SIPA1L2: variants seen among roughly 807,000 people sequenced by gnomAD.
SIPA1L2 encodes signal-induced proliferation-associated 1-like protein 2.
In SIPA1L2, 56 loss-of-function variants were observed where a neutral mutation model predicts 163.9. That is an observed-to-expected ratio of 0.34 (90% confidence interval 0.28 to 0.43). The LOEUF (loss-of-function observed/expected upper bound fraction) is 0.43. SIPA1L2 is among the 20% of genes least tolerant of loss of function. SIPA1L2 has a pLI of 1.00. For missense variants in SIPA1L2, 1,974 were observed against 2,193.5 expected (o/e 0.90, Z 2.00); for synonymous variants, 877 against 865.7 (o/e 1.01, Z -0.23).
chr1:232,433,837 C>T (rs1319676812), intron 15 of SIPA1L2, among the ~76,000 whole-genome samples: 1 of 152,150 alleles, frequency 6.6e-6, no homozygotes, highest in Non-Finnish European at 1.5e-5. Context: ...GAGTGCAATG[C>T]GAGGATTCCG....
chr1:232,406,544 C>T (rs1660643846), intron 19 of SIPA1L2, among the ~76,000 whole-genome samples: 1 of 152,206 alleles, frequency 6.6e-6, no homozygotes, highest in Admixed American at 6.5e-5. Context: ...CAAGTCACTC[C>T]CATGACCCCG....
chr1:232,469,212 A>T (rs1664680023), intron 8 of SIPA1L2, among the ~76,000 whole-genome samples: 1 of 152,228 alleles, frequency 6.6e-6, no homozygotes, highest in Admixed American at 6.5e-5. Context: ...AACACCCGAA[A>T]AAAGCTCAGG....
intron 2 of SIPA1L2, among the ~76,000 whole-genome samples, chr1:232,546,661 A>ACAGC (rs1658048577): frequency 1.3e-5 from 2 of 152,240 alleles, no homozygotes; most frequent in African/African-American, 4.8e-5. Flanking sequence ...CATCGACTAA[A>ACAGC]TGTCTAGGCT....
intron 2 of SIPA1L2, among the ~76,000 whole-genome samples, chr1:232,541,890 G>C (rs2253471): frequency 0.49 from 73,067 of 148,796 alleles, 18,550 homozygotes; most frequent in Middle Eastern, 0.66. Flanking sequence ...TCATGAAGGG[G>C]AACTGGGGCA....
intron 2 of SIPA1L2, among the ~76,000 whole-genome samples, chr1:232,567,569 T>A (rs533535323): frequency 6.6e-6 from 1 of 152,230 alleles, no homozygotes; most frequent in South Asian, 2.1e-4. Context: ...TAAAAAAAAA[T>A]TTCCAAGTTA....
chr1:232,523,044 C>T (rs1280429102), intron 2 of SIPA1L2, among the ~76,000 whole-genome samples: 1 of 152,296 alleles, frequency 6.6e-6, no homozygotes, highest in African/African-American at 2.4e-5. Context: ...TCCAGGGAAG[C>T]ACTATTCTCT....
At chr1:232,618,593 G>A (rs1030938965) in intron 1 of SIPA1L2, among the ~76,000 whole-genome samples, 3 of 150,774 alleles carry the variant, frequency 2.0e-5, no homozygotes, top group Non-Finnish European at 4.4e-5. Flanking sequence ...GTCGGAGGTT[G>A]CAGTGAGCCA....
chr1:232,545,071 G>C (rs1004907837), intron 2 of SIPA1L2, among the ~76,000 whole-genome samples: 1 of 152,314 alleles, frequency 6.6e-6, no homozygotes, highest in East Asian at 1.9e-4. Flanking sequence ...AGAAGTACCA[G>C]AGGAGCCAAC....
At chr1:232,431,093 A>G (rs531980776) in intron 16 of SIPA1L2, among the ~76,000 whole-genome samples, 13 of 152,272 alleles carry the variant, frequency 8.5e-5, no homozygotes, top group African/African-American at 3.1e-4. Context: ...TGACTTTCCA[A>G]AAGAGTCCTT....
At chr1:232,449,220 A>G (rs1663400639) in intron 10 of SIPA1L2, among the ~76,000 whole-genome samples, 2 of 152,176 alleles carry the variant, frequency 1.3e-5, no homozygotes, top group South Asian at 4.1e-4. Context: ...TATGAGAGAT[A>G]AAAACTTAAG....
chr1:232,419,788 G>A (rs1661462071), intron 18 of SIPA1L2, among the ~76,000 whole-genome samples: 1 of 152,140 alleles, frequency 6.6e-6, no homozygotes, highest in South Asian at 2.1e-4. Flanking sequence ...TTATAGCAAT[G>A]CAAGAACAGC....
At chr1:232,553,221 G>A (rs766840036) in intron 2 of SIPA1L2, among the ~76,000 whole-genome samples, 1 of 152,140 alleles carries the variant, frequency 6.6e-6, no homozygotes, top group Non-Finnish European at 1.5e-5. Context: ...TCCAGTGGCT[G>A]ATCTCCTCCC....
At chr1:232,500,966 C>T (rs111699181) in intron 3 of SIPA1L2, among the ~76,000 whole-genome samples, 1 of 150,328 alleles carries the variant, frequency 6.7e-6, no homozygotes, top group Non-Finnish European at 1.5e-5. Context: ...CAACAGCCAT[C>T]AATGTGGAGG....
intron 5 of SIPA1L2, among the ~76,000 whole-genome samples, chr1:232,485,412 G>T (rs1280211473): frequency 6.6e-6 from 1 of 152,158 alleles, no homozygotes; most frequent in African/African-American, 2.4e-5. Context: ...TACTACTTTA[G>T]TAGGGTCAAG....
intron 3 of SIPA1L2, among the ~76,000 whole-genome samples, chr1:232,495,345 C>T (rs1005918866): frequency 1.3e-5 from 2 of 151,964 alleles, no homozygotes; most frequent in African/African-American, 2.4e-5. Flanking sequence ...GGGCGGATCA[C>T]GAGGTTAGGA....
Position 232,415,747 on chromosome 1 carries a change from C to T in SIPA1L2, c.4631-122G>A, listed in dbSNP as rs963610406. ...TCAGTCAGTCAGAACACGGGCACCA[C>T]TGCCCCCTCCCAGAGTCAGTCAGAA... On this transcript the variant is annotated intron_variant, in intron 18 of 22. Transcript: ENST00000674635. The T allele has an allele frequency of 4.0e-5, 54 of 1,342,300 alleles. 1 individual carries two copies. The South Asian group carries it at 6.2e-4, about 15-fold the overall frequency. 83.1% of individuals were successfully genotyped at this position (1,342,300 alleles called of 1,614,324 possible).
intron 2 of SIPA1L2, among the ~76,000 whole-genome samples, chr1:232,562,579 G>C (rs1302562155): frequency 6.6e-6 from 1 of 152,108 alleles, no homozygotes; most frequent in Non-Finnish European, 1.5e-5. Context: ...TTTTTCCATT[G>C]CAACTGTTAA....
At chr1:232,532,073 G>A (rs1329197869) in intron 2 of SIPA1L2, among the ~76,000 whole-genome samples, 2 of 152,154 alleles carry the variant, frequency 1.3e-5, no homozygotes, top group Non-Finnish European at 2.9e-5. Context: ...TGTTTGCGGT[G>A]ATGAGGAAAG....
intron 2 of SIPA1L2, among the ~76,000 whole-genome samples, chr1:232,540,335 C>A (rs1380615082): frequency 1.3e-5 from 2 of 152,102 alleles, no homozygotes; most frequent in East Asian, 3.9e-4. Flanking sequence ...AAAACTTCAA[C>A]TAGAAAGCAC....
Sources: allele counts gnomAD v4.1 joint callset (sites outside exome capture counted in the v4.1 genomes callset), GRCh38; gene constraint gnomAD v4.1.1; transcripts MANE v1.5; gene names NCBI Gene and HGNC (gene_info 2026-07-23, HGNC 2026-07-21).